The following FOXN3 variants were observed in gnomAD, a reference collection of about 807,000 sequenced individuals.
The protein encoded by FOXN3 is forkhead box N3, also known as forkhead box protein N3.
In FOXN3, 7 loss-of-function variants were observed where a neutral mutation model predicts 38.4. The observed-to-expected ratio is 0.18, with a 90% CI of 0.10 to 0.34. The LOEUF is 0.34. Among genes scored for constraint, FOXN3 ranks in the 10% least tolerant of loss-of-function variants. FOXN3 has a pLI of 1.00. For synonymous variants in FOXN3, 230 were observed against 242.2 expected (o/e 0.95, Z 0.47); for missense variants, 456 against 613.4 (o/e 0.74, Z 2.71).
chr14:89,416,737 C>G (rs1471353818), intron 1 of FOXN3, 134 bp downstream of exon 1: 4 of 152,130 alleles, frequency 2.6e-5, no homozygotes, highest in Non-Finnish European at 5.9e-5. Context: ...ACCCGACCCT[C>G]CCCCCAGGAC....
chr14:89,227,703 A>T (rs1326472522), intron 4 of FOXN3, among the ~76,000 whole-genome samples: 1 of 152,142 alleles, frequency 6.6e-6, no homozygotes, highest in Non-Finnish European at 1.5e-5. Flanking sequence ...AAGCACAGTC[A>T]CCCTGAGATT....
At chr14:89,309,713 G>T (rs1205407197) in intron 3 of FOXN3, among the ~76,000 whole-genome samples, 1 of 152,104 alleles carries the variant, frequency 6.6e-6, no homozygotes, top group Non-Finnish European at 1.5e-5. Flanking sequence ...ACAGGGGTGC[G>T]ACGGAACCAT....
At chr14:89,212,557 C>T (rs571639100) in intron 4 of FOXN3, among the ~76,000 whole-genome samples, 2 of 152,200 alleles carry the variant, frequency 1.3e-5, no homozygotes, top group Non-Finnish European at 2.9e-5. Context: ...GGGTCACAGC[C>T]ATGAGGTGTG....
chr14:89,380,664 G>A (rs1366967780), intron 2 of FOXN3, among the ~76,000 whole-genome samples: 1 of 152,188 alleles, frequency 6.6e-6, no homozygotes, highest in Non-Finnish European at 1.5e-5. Context: ...CTGAGGCCAC[G>A]CACCAGGGTG....
intron 1 of FOXN3, among the ~76,000 whole-genome samples, chr14:89,467,158 C>T (rs1892987453): frequency 6.6e-6 from 1 of 152,180 alleles, no homozygotes; most frequent in Non-Finnish European, 1.5e-5. Flanking sequence ...GCTCTCCACC[C>T]AGACTCAGAC....
At chr14:89,310,255 G>A (rs1887496528) in intron 3 of FOXN3, among the ~76,000 whole-genome samples, 1 of 152,164 alleles carries the variant, frequency 6.6e-6, no homozygotes, top group African/African-American at 2.4e-5. Context: ...TTTTTCACTG[G>A]ACTTGAACCT....
chr14:89,522,135 GA>G (rs139228934), intron 1 of FOXN3, among the ~76,000 whole-genome samples: 12 of 146,208 alleles, frequency 8.2e-5, no homozygotes, highest in South Asian at 2.2e-4. Context: ...GCTCTGAAAG[GA>G]AAAAAAAAAC....
chr14:89,225,326 C>T (rs1009402905), intron 4 of FOXN3, among the ~76,000 whole-genome samples: 6 of 151,282 alleles, frequency 4.0e-5, no homozygotes, highest in Non-Finnish European at 7.4e-5. Context: ...ATACAAAAGC[C>T]GGGCACAGTG....
intron 1 of FOXN3, among the ~76,000 whole-genome samples, chr14:89,582,595 T>C (rs1029975242): frequency 6.6e-6 from 1 of 151,486 alleles, no homozygotes; most frequent in African/African-American, 2.4e-5. Context: ...GTTCATGCCA[T>C]TCTCCTGCCT....
At chr14:89,320,574 T>C (rs1328129006) in intron 3 of FOXN3, among the ~76,000 whole-genome samples, 1 of 152,194 alleles carries the variant, frequency 6.6e-6, no homozygotes, top group Non-Finnish European at 1.5e-5. Flanking sequence ...CCAACCATCT[T>C]GCAAGAATCA....
chr14:89,577,022 G>A (rs1324162017), intron 1 of FOXN3: 1 of 152,218 alleles, frequency 6.6e-6, no homozygotes, highest in Admixed American at 6.5e-5. Context: ...AAAGCAGCCA[G>A]TCTTCTCTTG....
rs1887075379 is a variant in FOXN3, at chr14:89,160,627, A to G, written c.*1787T>C. The G allele has an allele frequency of 6.6e-6, 1 of 152,568 alleles. No individual in the cohort carries two copies. The highest frequency in any genetic ancestry group is 2.4e-5 in the African/African-American group (1 of 41,424). The allele number at this position is 152,568 out of a possible 1,614,324, so 9.5% of individuals were successfully genotyped here. The stretch of plus-strand genomic sequence containing the variant: ...CTTGATTCTATCATACACACTCACT[A>G]CTAAGTTTGCCCTCAAATTATTGCG... On this transcript the variant is annotated 3_prime_UTR_variant, in exon 6 of 6. Transcript: ENST00000557258.
intron 1 of FOXN3, among the ~76,000 whole-genome samples, chr14:89,465,700 C>A (rs1017852611): frequency 6.6e-6 from 1 of 152,138 alleles, no homozygotes; most frequent in South Asian, 2.1e-4. Context: ...CCAACTTGAG[C>A]TATTTATCAT....
At chr14:89,367,348 A>G (rs1890189370) in intron 2 of FOXN3, among the ~76,000 whole-genome samples, 1 of 152,214 alleles carries the variant, frequency 6.6e-6, no homozygotes, top group African/African-American at 2.4e-5. Context: ...GGTGTCTAAC[A>G]CCGACTGCAC....
At chr14:89,618,666 G>A (rs1184994393) in intron 1 of FOXN3, among the ~76,000 whole-genome samples, 1 of 151,656 alleles carries the variant, frequency 6.6e-6, no homozygotes, top group Non-Finnish European at 1.5e-5. Context: ...TTCCCTAAAA[G>A]TAATTAACAG....
intron 2 of FOXN3, among the ~76,000 whole-genome samples, chr14:89,408,770 G>A (rs1448226399): frequency 5.9e-5 from 9 of 152,014 alleles, no homozygotes; most frequent in Non-Finnish European, 4.4e-5. Flanking sequence ...CATACAACTT[G>A]CAAGGTTTCA....
chr14:89,502,515 C>G (rs1244710528), intron 1 of FOXN3, among the ~76,000 whole-genome samples: 1 of 152,170 alleles, frequency 6.6e-6, no homozygotes, highest in Non-Finnish European at 1.5e-5. Flanking sequence ...CTGCAGCTGA[C>G]CTCATCATAT....
chr14:89,541,301 C>T (rs116336662), intron 1 of FOXN3, among the ~76,000 whole-genome samples: 3 of 152,254 alleles, frequency 2.0e-5, no homozygotes, highest in African/African-American at 4.8e-5. Context: ...CATTCCCAGA[C>T]GGTGAAGGCA....
At chr14:89,317,795 C>T (rs4904541) in intron 3 of FOXN3, among the ~76,000 whole-genome samples, 64,524 of 151,178 alleles carry the variant, frequency 0.43, 14,644 homozygotes, top group Non-Finnish European at 0.51. Flanking sequence ...AGGAGGTGAG[C>T]GGCAGGCGAG....
Sources: allele counts gnomAD v4.1 joint callset (sites outside exome capture counted in the v4.1 genomes callset), GRCh38; gene constraint gnomAD v4.1.1; transcripts MANE v1.5; gene names NCBI Gene and HGNC (gene_info 2026-07-23, HGNC 2026-07-21).